The following ATAD2B variants were observed in gnomAD, a reference collection of about 807,000 sequenced individuals.
ATAD2B encodes the protein ATPase family AAA domain-containing protein 2B.
Under a neutral mutation model 167.6 loss-of-function variants are expected in ATAD2B, and 40 were observed. That is an observed-to-expected ratio of 0.24 (90% CI 0.19 to 0.31). The LOEUF is 0.31. Among genes scored for constraint, ATAD2B ranks in the 10% least tolerant of loss-of-function variants. The pLI is 1.00. For synonymous variants in ATAD2B, 579 were observed against 596.5 expected (o/e 0.97, Z 0.43); for missense variants, 1,242 against 1,757.2 (o/e 0.71, Z 5.24).
Position 23,778,568 on chromosome 2 carries a change from T to C in ATAD2B, c.3133+4301A>G, listed in dbSNP as rs192627527. On this transcript the variant is annotated intron_variant, in intron 22 of 27. Coordinates refer to ENST00000238789, the MANE Select transcript of ATAD2B (RefSeq NM_017552.4). ...TAAAAAAATTAAAGCACAATTTAAATAATGATCATAAGAATACAAACACAA... is the reference window on the plus strand; with the variant it reads ...TAAAAAAATTAAAGCACAATTTAAACAATGATCATAAGAATACAAACACAA... 2.6e-4 allele frequency among the ~76,000 whole-genome samples: 39 copies of C among 152,314 alleles called. 1 individual carries two copies. In the East Asian group the frequency reaches 6.2e-3, roughly 24 times the overall value.
chr2:23,869,035 C>T (rs986609039), intron 9 of ATAD2B, among the ~76,000 whole-genome samples: 38 of 152,252 alleles, frequency 2.5e-4, no homozygotes, highest in African/African-American at 8.9e-4. Context: ...TTTTTTAGTA[C>T]ACTATCTAAC....
At chr2:23,736,715 T>C in the ATAD2B span, among the ~76,000 whole-genome samples, 1 of 152,118 alleles carries the variant, frequency 6.6e-6, no homozygotes, top group Non-Finnish European at 1.5e-5. Context: ...GGGTGCAGCC[T>C]ACCGTGCGCG....
chr2:23,920,940 C>T (rs924204194), intron 1 of ATAD2B, among the ~76,000 whole-genome samples: 3 of 152,122 alleles, frequency 2.0e-5, no homozygotes, highest in Admixed American at 1.3e-4. Context: ...TGTGGTGGCT[C>T]ATGCCTGTAA....
At chr2:23,682,565 A>T in the ATAD2B span, among the ~76,000 whole-genome samples, 1 of 151,996 alleles carries the variant, frequency 6.6e-6, no homozygotes, top group Non-Finnish European at 1.5e-5. The surrounding 1 kb of genome is among the most constrained non-coding windows in gnomAD (Gnocchi z 4.1). Flanking sequence ...ATGAAGCTGG[A>T]GCTCCCAGGC....
chr2:23,901,290 T>C (rs1700804204), intron 1 of ATAD2B: 1 of 152,062 alleles, frequency 6.6e-6, no homozygotes, highest in South Asian at 2.1e-4. Flanking sequence ...CCAATTTAGA[T>C]AGCCCAGGCC....
chr2:23,899,775 G>C (rs1285220676), intron 1 of ATAD2B, among the ~76,000 whole-genome samples: 1 of 151,454 alleles, frequency 6.6e-6, no homozygotes, highest in Non-Finnish European at 1.5e-5. Context: ...ATTTTTACTA[G>C]AGACCGGGTT....
At chr2:23,780,700 G>A in intron 22 of ATAD2B, among the ~76,000 whole-genome samples, 1 of 152,048 alleles carries the variant, frequency 6.6e-6, no homozygotes, top group Admixed American at 6.6e-5. Context: ...AGGACTTTAA[G>A]ACCAGCCTGG....
At chr2:23,733,965 C>T in the ATAD2B span, among the ~76,000 whole-genome samples, 4 of 152,308 alleles carry the variant, frequency 2.6e-5, no homozygotes, top group African/African-American at 9.6e-5. Flanking sequence ...GTTTCTATGC[C>T]TTTCTACTGT....
chr2:23,773,471 A>G (rs914836548), intron 22 of ATAD2B, among the ~76,000 whole-genome samples: 1 of 152,208 alleles, frequency 6.6e-6, no homozygotes, highest in Non-Finnish European at 1.5e-5. Context: ...ACAGTAAGCC[A>G]TGATCGCACC....
chr2:23,761,422 G>T (rs570194596), intron 24 of ATAD2B, among the ~76,000 whole-genome samples: 1 of 152,286 alleles, frequency 6.6e-6, no homozygotes, highest in East Asian at 1.9e-4. Context: ...GAGCATTTCA[G>T]ATATCTGATT....
chr2:23,678,297 C>T, the ATAD2B span, among the ~76,000 whole-genome samples: 1 of 152,186 alleles, frequency 6.6e-6, no homozygotes, highest in African/African-American at 2.4e-5. Flanking sequence ...TTACACTCAC[C>T]ACTTAGAACC....
chr2:23,711,342 C>CTTTTTTT, the ATAD2B span, among the ~76,000 whole-genome samples: 32 of 79,786 alleles, frequency 4.0e-4, 3 homozygotes, highest in African/African-American at 9.4e-4. Flanking sequence ...GAATTTCTTT[C>CTTTTTTT]TTTTTTTTTT....
intron 15 of ATAD2B, 58 bp downstream of exon 15, chr2:23,828,791 A>G: frequency 9.3e-7 from 1 of 1,072,494 alleles, no homozygotes; most frequent in South Asian, 1.4e-5. Flanking sequence ...AATAAGGGGA[A>G]AGGGAGGTTG....
intron 18 of ATAD2B, 141 bp from the exon 19 acceptor site, chr2:23,798,464 G>GCACA (rs1682944876): frequency 1.7e-6 from 1 of 590,626 alleles, no homozygotes; most frequent in African/African-American, 1.9e-5. Context: ...AAGATATGAT[G>GCACA]CACAAGCCTT....
intron 18 of ATAD2B, among the ~76,000 whole-genome samples, chr2:23,807,539 G>C (rs572995450): frequency 6.6e-6 from 1 of 152,088 alleles, no homozygotes; most frequent in African/African-American, 2.4e-5. Flanking sequence ...AGCTTGGTTT[G>C]AGACCCAAAT....
Position 23,839,532 on chromosome 2 carries a change from A to G in ATAD2B, c.1569-5454T>C, listed in dbSNP as rs554709638. On this transcript the variant is annotated intron_variant, in intron 13 of 27. Coordinates refer to ENST00000238789, the MANE Select transcript of ATAD2B (RefSeq NM_017552.4). ...TTTCTCTAATATGAAAATGTGATAAATTAACATTAACTGACTTCCCTCATA... is the reference window on the plus strand; with the variant it reads ...TTTCTCTAATATGAAAATGTGATAAGTTAACATTAACTGACTTCCCTCATA... Among the ~76,000 whole-genome samples the G allele has an allele frequency of 6.6e-5, 10 of 152,260 alleles. No individual in the cohort carries two copies. The South Asian group carries it at 1.9e-3, about 28-fold the overall frequency.
At chr2:23,714,203 C>G in the ATAD2B span, among the ~76,000 whole-genome samples, 1 of 151,466 alleles carries the variant, frequency 6.6e-6, no homozygotes. Flanking sequence ...CTTGTGAAGA[C>G]TCAGAAGCAA....
chr2:23,816,408 G>A (rs899601762), intron 17 of ATAD2B, among the ~76,000 whole-genome samples: 1 of 152,018 alleles, frequency 6.6e-6, no homozygotes, highest in Non-Finnish European at 1.5e-5. Context: ...ACCAATAAGG[G>A]TCTATAAATT....
the ATAD2B span, among the ~76,000 whole-genome samples, chr2:23,700,230 G>A: frequency 9.2e-5 from 14 of 152,126 alleles, no homozygotes; most frequent in Admixed American, 8.5e-4. This position sits in a 1 kb window ranked among gnomAD's most constrained non-coding sequence, Gnocchi z 4.6. Context: ...AACAAGACCT[G>A]TTTTCTGCTG....
Sources: gnomAD v4.1 joint callset for allele counts (sites outside exome capture counted in the v4.1 genomes callset) on GRCh38, gnomAD v4.1.1 for gene constraint, Gnocchi (gnomAD v3.1) non-coding constraint, MANE v1.5 for transcripts, NCBI Gene and HGNC (gene_info 2026-07-23, HGNC 2026-07-21) for gene names.